Variants in MGAT4C observed in about 807,000 individuals in gnomAD.
The protein encoded by MGAT4C is alpha-1,3-mannosyl-glycoprotein 4-beta-N-acetylglucosaminyltransferase C.
A neutral mutation model predicts 40.1 loss-of-function variants in MGAT4C; 19 were observed. The ratio of observed to expected loss-of-function variants is 0.47; its 90% CI spans 0.33 to 0.70. The LOEUF (loss-of-function observed/expected upper bound fraction) is 0.70, where lower values mean the gene tolerates loss of function less well. Among genes scored for constraint, MGAT4C ranks in the 30% least tolerant of loss-of-function variants. The probability of loss-of-function intolerance (pLI) is 0.02; values close to 1 mark genes in which losing one functional copy is unlikely to be tolerated. For missense variants in MGAT4C, 491 were observed against 563.2 expected (o/e 0.87, Z 1.30); for synonymous variants, 181 against 187.1 (o/e 0.97, Z 0.27).
chr12:86,114,872 C>T (rs986333644), intron 1 of MGAT4C, among the ~76,000 whole-genome samples: 3 of 151,760 alleles, frequency 2.0e-5, no homozygotes, highest in East Asian at 1.9e-4. Flanking sequence ...AATAATGTGA[C>T]GTTTGGTGAC....
chr12:86,233,437 C>T (rs1377209079), intron 1 of MGAT4C, among the ~76,000 whole-genome samples: 3 of 152,116 alleles, frequency 2.0e-5, no homozygotes, highest in Admixed American at 6.6e-5. Context: ...ACAAGGACTC[C>T]GAAGGTGCAG....
chr12:86,732,675 A>G (rs998896927), intron 1 of MGAT4C, among the ~76,000 whole-genome samples: 2 of 152,076 alleles, frequency 1.3e-5, no homozygotes, highest in African/African-American at 4.8e-5. Context: ...GCAGCTGTAA[A>G]TACAGATAAG....
intron 2 of MGAT4C, among the ~76,000 whole-genome samples, chr12:86,625,295 T>A (rs1181876906): frequency 3.3e-5 from 5 of 152,130 alleles, no homozygotes; most frequent in Admixed American, 3.3e-4. Context: ...GCTTATAAAT[T>A]ACCCAGTCTT....
At chr12:86,076,339 A>C (rs1869698714) in intron 1 of MGAT4C, among the ~76,000 whole-genome samples, 1 of 152,210 alleles carries the variant, frequency 6.6e-6, no homozygotes, top group Non-Finnish European at 1.5e-5. Flanking sequence ...AAAGTCATTC[A>C]ACAAGTTTCT....
At chr12:86,199,187 A>G (rs1050569672) in intron 1 of MGAT4C, among the ~76,000 whole-genome samples, 5 of 152,260 alleles carry the variant, frequency 3.3e-5, no homozygotes, top group African/African-American at 4.8e-5. Context: ...TGATATGCCA[A>G]TAGGAACCAT....
intron 1 of MGAT4C, among the ~76,000 whole-genome samples, chr12:86,184,242 T>C (rs528791465): frequency 7.9e-5 from 12 of 152,064 alleles, no homozygotes; most frequent in Admixed American, 5.2e-4. Context: ...CTGGGCATGG[T>C]GGCGGCTGCC....
At chr12:86,660,744 T>C (rs916067924) in intron 2 of MGAT4C, among the ~76,000 whole-genome samples, 1 of 152,152 alleles carries the variant, frequency 6.6e-6, no homozygotes, top group African/African-American at 2.4e-5. Flanking sequence ...ATTCCATTTA[T>C]ACTCTTAGCA....
intron 2 of MGAT4C, among the ~76,000 whole-genome samples, chr12:86,499,697 C>T (rs575301981): frequency 3.3e-5 from 5 of 151,904 alleles, no homozygotes; most frequent in African/African-American, 1.2e-4. Context: ...TCTCATTTTT[C>T]CATTCTAGTT....
intron 4 of MGAT4C, among the ~76,000 whole-genome samples, chr12:86,284,971 G>T (rs1215915939): frequency 6.6e-6 from 1 of 151,864 alleles, no homozygotes; most frequent in Non-Finnish European, 1.5e-5. Context: ...CTAAACATTA[G>T]ACAAAATTTC....
At chr12:86,709,578 A>ATATGTATG (rs61331297) in intron 2 of MGAT4C, among the ~76,000 whole-genome samples, 26 of 151,936 alleles carry the variant, frequency 1.7e-4, no homozygotes, top group African/African-American at 6.3e-4. Context: ...TTTATTTTAC[A>ATATGTATG]TATGTATGTA....
At chr12:86,574,520 G>C (rs548032221) in intron 2 of MGAT4C, among the ~76,000 whole-genome samples, 2 of 151,536 alleles carry the variant, frequency 1.3e-5, no homozygotes, top group Non-Finnish European at 3.0e-5. Context: ...ATTATATTTG[G>C]AACCAGCTGG....
At chr12:86,760,165 G>C (rs922018415) in intron 1 of MGAT4C, among the ~76,000 whole-genome samples, 1 of 152,026 alleles carries the variant, frequency 6.6e-6, no homozygotes, top group African/African-American at 2.4e-5. Flanking sequence ...CACTCACAGT[G>C]GGGAAAAGAC....
intron 2 of MGAT4C, among the ~76,000 whole-genome samples, chr12:86,717,343 G>A (rs1224389499): frequency 1.3e-5 from 2 of 151,968 alleles, no homozygotes; most frequent in Non-Finnish European, 2.9e-5. Context: ...GATACTACAA[G>A]AGAAAGCAAG....
chr12:86,680,305 A>C (rs1949957851), intron 2 of MGAT4C, among the ~76,000 whole-genome samples: 1 of 152,010 alleles, frequency 6.6e-6, no homozygotes, highest in African/African-American at 2.4e-5. Context: ...TTTACAATTT[A>C]TTTTATTTTA....
chr12:86,457,715 C>T (rs1182613774), intron 2 of MGAT4C, among the ~76,000 whole-genome samples: 1 of 152,026 alleles, frequency 6.6e-6, no homozygotes, highest in Non-Finnish European at 1.5e-5. Context: ...GAGGCTGTGG[C>T]TTGTAATGAA....
chr12:85,969,705 A>G lies in MGAT4C; in HGVS notation c.*9584T>C, dbSNP rs1396131127. 6.6e-6 allele frequency: 1 copy of G among 151,616 alleles called. No individual in the cohort carries two copies. Among genetic ancestry groups the G allele is most frequent in the Non-Finnish European group, 1.5e-5 (1 of 67,598 alleles). 9.4% of individuals were successfully genotyped at this position (151,616 alleles called of 1,614,324 possible). On this transcript the variant is annotated 3_prime_UTR_variant, in exon 5 of 5. Coordinates refer to ENST00000611864, the MANE Select transcript of MGAT4C (RefSeq NM_001351288.2). Reference sequence around the variant, plus strand: ...AATGGGTTTTCAATAAATTATTATTATAGTTAGGAGGCAATGTATAATAGT... The same window carrying G: ...AATGGGTTTTCAATAAATTATTATTGTAGTTAGGAGGCAATGTATAATAGT...
intron 1 of MGAT4C, among the ~76,000 whole-genome samples, chr12:86,782,486 C>A (rs925785575): frequency 8.6e-5 from 13 of 151,788 alleles, no homozygotes; most frequent in African/African-American, 2.7e-4. Flanking sequence ...CAGACCTAGT[C>A]ATAGACAATT....
intron 1 of MGAT4C, among the ~76,000 whole-genome samples, chr12:86,110,298 C>CTATATGTATATAG (rs1565996123): frequency 5.7e-4 from 9 of 15,710 alleles, no homozygotes; most frequent in African/African-American, 3.2e-3. Context: ...TATATAGTCT[C>CTATATGTATATAG]TCTATATATA....
intron 2 of MGAT4C, among the ~76,000 whole-genome samples, chr12:86,573,293 A>C (rs1312674091): frequency 6.6e-6 from 1 of 152,058 alleles, no homozygotes; most frequent in Non-Finnish European, 1.5e-5. Flanking sequence ...ACAGAATACA[A>C]TTAGAAAATA....
Sources: allele counts gnomAD v4.1 joint callset (sites outside exome capture counted in the v4.1 genomes callset), GRCh38; gene constraint gnomAD v4.1.1; transcripts MANE v1.5; gene names NCBI Gene and HGNC (gene_info 2026-07-23, HGNC 2026-07-21).